The following HPS5 variants were observed in gnomAD, a reference collection of about 807,000 sequenced individuals.
HPS5 encodes BLOC-2 complex member HPS5.
A neutral mutation model predicts 128.0 loss-of-function variants in HPS5; 83 were observed. The ratio of observed to expected loss-of-function variants is 0.65; its 90% confidence interval spans 0.54 to 0.78. The LOEUF is 0.78. Ranked by LOEUF, HPS5 falls within the 30% of genes least tolerant of loss-of-function variation. The pLI is 0.00. For missense variants in HPS5, 1,281 were observed against 1,326.2 expected (o/e 0.97, Z 0.53); for synonymous variants, 475 against 470.2 (o/e 1.01, Z -0.13).
chr11:18,290,508 G>GT (rs1272856143), intron 16 of HPS5, among the ~76,000 whole-genome samples: 9 of 152,170 alleles, frequency 5.9e-5, no homozygotes, highest in African/African-American at 1.9e-4. Flanking sequence ...TTCTGTATTA[G>GT]TAAGTTACAT....
intron 22 of HPS5, 132 bp from the exon 23 acceptor site, chr11:18,280,074 C>T (rs547192665): frequency 2.5e-4 from 227 of 897,784 alleles, no homozygotes; most frequent in Middle Eastern, 1.8e-3. Context: ...ACACAATGCA[C>T]AGAGTGAAAA....
rs1179386538 is a variant in HPS5 at position 18,298,810 on chromosome 11, A to G, written c.1146T>C (p.Asn382=). 1 of 1,614,164 alleles carries G rather than the reference A, an allele frequency of 6.2e-7. No individual in the cohort carries two copies. Among genetic ancestry groups the G allele is most frequent in the South Asian group, 1.1e-5 (1 of 91,084 alleles). The change falls in exon 10 of 23, where the codon AAT becomes AAC. Residue 382 remains asparagine, a synonymous_variant. Coordinates refer to ENST00000349215, the MANE Select transcript of HPS5 (RefSeq NM_181507.2). ...GACTCACTCTGCTGGCAATGACAGA[A>G]TTTTGGAAAAGACAGCATGTACGAG... ...LAARTCCLFQ[N]SVIASRARKT... is the part of the protein sequence containing the mutation.
At chr11:18,292,355 CCACTACACA>C (rs1860518814) in intron 15 of HPS5, among the ~76,000 whole-genome samples, 1 of 152,020 alleles carries the variant, frequency 6.6e-6, no homozygotes, top group African/African-American at 2.4e-5. Context: ...GCCACTACAC[CCACTACACA>C]CAGCTACTTT....
At position 18,306,191 on chromosome 11, in the gene HPS5, A is replaced by G. The variant is rs773755959; in HGVS notation, c.768T>C (p.Ser256=). The change falls in exon 7 of 23, where the codon AGT becomes AGC. Residue 256 remains serine (S), a synonymous_variant. Transcript: ENST00000349215. ...AGAGGAGTTTCTTGAACTGATGTGTACTTATAACTTCTCCATCAAAGTTCA... is the reference window on the plus strand; with the variant it reads ...AGAGGAGTTTCTTGAACTGATGTGTGCTTATAACTTCTCCATCAAAGTTCA... The part of the protein sequence containing the change: ...WEVNFDGEVI[S]THQFKKLLSL... 2.5e-6 allele frequency: 4 copies of G among 1,614,120 alleles called. No homozygotes were observed. The highest frequency in any genetic ancestry group is 2.5e-6 in the Non-Finnish European group (3 of 1,179,968).
At chr11:18,321,338 T>C (rs1183149201) in intron 1 of HPS5, among the ~76,000 whole-genome samples, 2 of 152,214 alleles carry the variant, frequency 1.3e-5, no homozygotes, top group African/African-American at 2.4e-5. Flanking sequence ...TGGTTTAATA[T>C]ATGATGTTTA....
Position 18,308,951 on chromosome 11 carries a change from A to C in HPS5, c.606T>G (p.Thr202=). ...SSLTRSFLCD[T]EREKFWKIGN... ...CTAATGGTTGGTCAATATACCTCTCAGTGTCACACAAGAAGGATCGAGTAA... is the reference window on the plus strand; with the variant it reads ...CTAATGGTTGGTCAATATACCTCTCCGTGTCACACAAGAAGGATCGAGTAA... Residue 202 remains threonine (T), a synonymous_variant, in exon 6 of 23, where the codon ACT becomes ACG. Transcript: ENST00000349215. 2 of 1,614,122 alleles carry C rather than the reference A, an allele frequency of 1.2e-6. No homozygotes were observed. The highest frequency in any genetic ancestry group is 1.7e-6 in the Non-Finnish European group (2 of 1,179,964).
chr11:18,316,327 A>T (rs923576529), intron 2 of HPS5, among the ~76,000 whole-genome samples: 1 of 152,100 alleles, frequency 6.6e-6, no homozygotes, highest in Admixed American at 6.5e-5. Flanking sequence ...AAAGAAAATA[A>T]GATTTTATAT....
chr11:18,321,111 C>T (rs186453029), intron 1 of HPS5, among the ~76,000 whole-genome samples: 6 of 152,262 alleles, frequency 3.9e-5, no homozygotes, highest in Admixed American at 2.0e-4. Context: ...AATTTATTAT[C>T]CTACTTTTGT....
intron 5 of HPS5, 95 bp from the exon 6 acceptor site, chr11:18,309,174 T>C (rs1291917855): frequency 3.2e-6 from 4 of 1,259,698 alleles, no homozygotes; most frequent in Non-Finnish European, 3.4e-6. Context: ...ATAACTTGAA[T>C]AGCAAAATAA....
rs532608844 is a variant in HPS5 at position 18,317,894 on chromosome 11, A to G, written c.-36T>C. On this transcript the variant is annotated 5_prime_UTR_variant, in exon 2 of 23. Transcript: ENST00000349215. ...AGCTGAAACTTGTTGAATGATAGATACAGTATTCCTCACCTGAATAAAATC... is the reference window on the plus strand; with the variant it reads ...AGCTGAAACTTGTTGAATGATAGATGCAGTATTCCTCACCTGAATAAAATC... 6.2e-7 allele frequency: 1 copy of G among 1,601,708 alleles called. No individual in the cohort carries two copies. The highest frequency in any genetic ancestry group is 1.1e-5 in the South Asian group (1 of 89,646).
At position 18,300,887 on chromosome 11, in the gene HPS5, C is replaced by G; in HGVS notation, c.926G>C (p.Arg309Thr). 1.9e-6 allele frequency: 3 copies of G among 1,602,042 alleles called. No individual in the cohort carries two copies. The highest frequency in any genetic ancestry group is 2.6e-6 in the Non-Finnish European group (3 of 1,169,098). Residue 309 changes from arginine to threonine, a missense_variant, in exon 9 of 23, where the codon AGA (arginine) becomes ACA (threonine). Coordinates refer to ENST00000349215, the MANE Select transcript of HPS5 (RefSeq NM_181507.2). ...CTGAGGAATGAAAATATAAATTCCT[C>G]TTTCTGTCCAAGTCAGCACACAATG... ...SEHCVLTWTE[R>T]GIYIFIPQNV...
intron 9 of HPS5, 38 bp from the exon 10 acceptor site, chr11:18,299,008 C>T (rs756458359): frequency 1.9e-6 from 3 of 1,574,980 alleles, no homozygotes; most frequent in Non-Finnish European, 2.6e-6. Context: ...AAAATGTTAA[C>T]CAAATACCCC....
chr11:18,302,183 T>C (rs775607455), intron 8 of HPS5, among the ~76,000 whole-genome samples: 1 of 152,198 alleles, frequency 6.6e-6, no homozygotes, highest in Non-Finnish European at 1.5e-5. Flanking sequence ...TCCAGTCCTC[T>C]GGTCTGGAGG....
chr11:18,302,222 A>G (rs560728066), intron 8 of HPS5, among the ~76,000 whole-genome samples: 1 of 151,982 alleles, frequency 6.6e-6, no homozygotes, highest in East Asian at 1.9e-4. Context: ...ATCTTTTTCT[A>G]TACTTACTCA....
chr11:18,292,882 T>C lies in HPS5; in HGVS notation c.1862+17A>G, dbSNP rs111497919. On this transcript the variant is annotated intron_variant, in intron 15 of 22. Transcript: ENST00000349215. ...CTGCCTTGAGACGTCACTATAAAAG[T>C]TTCTCATTATACTCACATTGCTTCT... 3.4e-5 allele frequency: 55 copies of C among 1,597,848 alleles called. No individual in the cohort carries two copies. The highest frequency in any genetic ancestry group is 5.0e-5 in the Admixed American group (3 of 59,992).
intron 9 of HPS5, 23 bp from the exon 10 acceptor site, chr11:18,298,993 CATACAAA>C: frequency 6.2e-7 from 1 of 1,611,604 alleles, no homozygotes. Context: ...CAGGTGTGAA[CATACAAA>C]ATGTTAACCA....
chr11:18,298,923 G>A lies in HPS5; in HGVS notation c.1033C>T (p.Leu345=), dbSNP rs138066918. ...VCRNELFCLH[L]NGKVSHLSLI... Reference sequence around the variant, plus strand: ...GAGAGATGTGAGACTTTCCCATTTAGGTGCAAACAGAACAATTCATTCCTA... The same window carrying A: ...GAGAGATGTGAGACTTTCCCATTTAAGTGCAAACAGAACAATTCATTCCTA... Residue 345 remains leucine (L), a synonymous_variant, in exon 10 of 23, where the codon CTA becomes TTA. Transcript: ENST00000349215. The A allele has an allele frequency of 1.9e-6, 3 of 1,614,142 alleles. No individual in the cohort carries two copies. Among genetic ancestry groups the A allele is most frequent in the African/African-American group, 1.3e-5 (1 of 75,030 alleles).
intron 5 of HPS5, among the ~76,000 whole-genome samples, chr11:18,310,510 T>C (rs1434178595): frequency 6.6e-6 from 1 of 152,186 alleles, no homozygotes; most frequent in African/African-American, 2.4e-5. Context: ...CTGCAATAGA[T>C]AATGTGCAAA....
rs61884288 is a variant in HPS5, at chr11:18,281,986, G to A, written c.3293C>T (p.Thr1098Ile). 0.033 allele frequency: 53,468 copies of A among 1,614,064 alleles called. 1,023 individuals carry two copies. The highest frequency in any genetic ancestry group is 0.04 in the Non-Finnish European group (47,201 of 1,179,964). ...ALELSEKFTR[T>I]CDILRIAEKR... Reference sequence around the variant, plus strand: ...CTCAGCAATCCTCAGGATATCGCAGGTTCTGGTAAACTTCTCTGACAACTC... The same window carrying A: ...CTCAGCAATCCTCAGGATATCGCAGATTCTGGTAAACTTCTCTGACAACTC... Residue 1098 changes from threonine (T) to isoleucine (I), a missense_variant, in exon 22 of 23, where the codon ACC becomes ATC. Thr to Ile is a moderately conservative substitution (Grantham distance 89). Transcript: ENST00000349215.
Sources: gnomAD v4.1 joint callset for allele counts (sites outside exome capture counted in the v4.1 genomes callset) on GRCh38, gnomAD v4.1.1 for gene constraint, MANE v1.5 for transcripts, NCBI Gene and HGNC (gene_info 2026-07-23, HGNC 2026-07-21) for gene names.